Variants in TRPV2 observed in about 807,000 individuals in gnomAD.
The protein encoded by TRPV2 is transient receptor potential cation channel subfamily V member 2.
In TRPV2, 58 loss-of-function variants were observed where a neutral mutation model predicts 91.0. The ratio of observed to expected loss-of-function variants is 0.64; its 90% CI spans 0.52 to 0.79. The LOEUF (loss-of-function observed/expected upper bound fraction) is 0.79. TRPV2 is among the 30% of genes least tolerant of loss of function. The probability of loss-of-function intolerance (pLI) is 0.00; values close to 1 mark genes in which losing one functional copy is unlikely to be tolerated. For missense variants in TRPV2, 807 were observed against 969.6 expected, an observed-to-expected ratio of 0.83 and a Z score of 2.23; for synonymous variants, 417 against 414.8, an observed-to-expected ratio of 1.01 and a Z score of -0.06.
At chr17:16,431,624 C>T (rs2048957609) in intron 10 of TRPV2, among the ~76,000 whole-genome samples, 160 bp from the exon 11 acceptor site, 1 of 152,038 alleles carries the variant, frequency 6.6e-6, no homozygotes. Context: ...TTTTAAAAGA[C>T]TCCTCTGCTC....
chr17:16,422,611 G>T lies in TRPV2; in HGVS notation c.347G>T (p.Gly116Val). Reference protein sequence around the residue: ...TDSEYTEGSTGKTCLMKAVLN... With the variant: ...TDSEYTEGSTVKTCLMKAVLN... ...CTTCTTCCCACAGAGGGCTCCACAG[G>T]TAAGACGTGCCTGATGAAGGCTGTG... The change falls in exon 4 of 15, where the codon GGT becomes GTT. Residue 116 changes from glycine to valine, a missense_variant. By Grantham distance (109) the Gly-to-Val change is moderately radical. Coordinates refer to ENST00000338560, the MANE Select transcript of TRPV2 (RefSeq NM_016113.5). 1 of 1,613,828 alleles carries T rather than the reference G, an allele frequency of 6.2e-7. No homozygotes were observed. Among genetic ancestry groups the T allele is most frequent in the Non-Finnish European group, 8.5e-7 (1 of 1,179,878 alleles).
At chr17:16,436,712 T>G in intron 14 of TRPV2, 77 bp from the exon 15 acceptor site, 1 of 1,019,190 alleles carries the variant, frequency 9.8e-7, no homozygotes, top group Admixed American at 1.7e-5. Flanking sequence ...TTCATGACTG[T>G]GGCCCCGTTT....
intron 5 of TRPV2, among the ~76,000 whole-genome samples, chr17:16,425,321 G>A (rs1600972866): frequency 1.3e-5 from 2 of 152,102 alleles, no homozygotes; most frequent in African/African-American, 4.8e-5. Flanking sequence ...GAAACGCCCA[G>A]CCTGCAGCTG....
At chr17:16,429,169 C>T (rs966355707) in intron 10 of TRPV2, among the ~76,000 whole-genome samples, 187 bp downstream of exon 10, 5 of 152,224 alleles carry the variant, frequency 3.3e-5, no homozygotes, top group African/African-American at 4.8e-5. Context: ...TGCATGCACA[C>T]GCAAACAAAC....
intron 4 of TRPV2, 86 bp from the exon 5 acceptor site, chr17:16,423,383 G>A: frequency 6.9e-7 from 1 of 1,452,422 alleles, no homozygotes; most frequent in Admixed American, 2.2e-5. Context: ...GTTTCAAGGA[G>A]GGCTGGCCTT....
At chr17:16,430,543 T>C (rs1600984449) in intron 10 of TRPV2, among the ~76,000 whole-genome samples, 1 of 151,054 alleles carries the variant, frequency 6.6e-6, no homozygotes, top group African/African-American at 2.4e-5. Context: ...TGGAGTGCAG[T>C]GATGCAATCT....
rs369223814 is a variant in TRPV2, at chr17:16,423,509, G to A, written c.666G>A (p.Trp222Ter). Residue 222 changes from tryptophan to a stop codon, truncating the protein, a stop_gained, in exon 5 of 15, where the codon TGG (tryptophan) becomes TGA (stop). Transcript: ENST00000338560. LOFTEE classifies it high-confidence loss of function. ...CTTTGGCCGCTTGCACCAAGCAGTGGGATGTGGTAAGCTACCTCCTGGAGA... is the reference window on the plus strand; with the variant it reads ...CTTTGGCCGCTTGCACCAAGCAGTGAGATGTGGTAAGCTACCTCCTGGAGA... ...PLSLAACTKQ[W>*]DVVSYLLENP... 4 of 1,613,726 alleles carry A rather than the reference G, an allele frequency of 2.5e-6. No individual in the cohort carries two copies. Among genetic ancestry groups the A allele is most frequent in the Non-Finnish European group, 3.4e-6 (4 of 1,179,858 alleles).
chr17:16,430,091 C>A (rs530432577), intron 10 of TRPV2, among the ~76,000 whole-genome samples: 1 of 152,226 alleles, frequency 6.6e-6, no homozygotes, highest in East Asian at 1.9e-4. Flanking sequence ...TCTCAAACTC[C>A]TGACCTCAGG....
In TRPV2 at chr17:16,428,692, A is replaced by G. The variant is rs1392566573; in HGVS notation, c.1422-125A>G. The G allele has an allele frequency of 6.6e-6, 7 of 1,053,168 alleles. No homozygotes were observed. The African/African-American group carries it at 1.1e-4, about 17-fold the overall frequency. The allele number at this position is 1,053,168 out of a possible 1,614,324, so 65.2% of individuals were successfully genotyped here. On this transcript the variant is annotated intron_variant, in intron 9 of 14. Coordinates refer to ENST00000338560, the MANE Select transcript of TRPV2 (RefSeq NM_016113.5). Reference sequence around the variant, plus strand: ...TATGCCCATTTTACAGTGGGAGGGAACTGAGGCCCACAGAGGTTAAATGTC... The same window carrying G: ...TATGCCCATTTTACAGTGGGAGGGAGCTGAGGCCCACAGAGGTTAAATGTC...
Position 16,428,811 on chromosome 17 carries a change from A to G in TRPV2, c.1422-6A>G. 2 of 1,612,872 alleles carry G rather than the reference A, an allele frequency of 1.2e-6. No homozygotes were observed. Among genetic ancestry groups the G allele is most frequent in the East Asian group, 4.5e-5 (2 of 44,878 alleles). On this transcript the variant is annotated splice_polypyrimidine_tract_variant and splice_region_variant and intron_variant, in intron 9 of 14. Coordinates refer to ENST00000338560, the MANE Select transcript of TRPV2 (RefSeq NM_016113.5). ...GCAAGCCCACCTGGATTCTGCTCCCACACAGCCTGTTCCAGGCCCTGCTCA... is the reference window on the plus strand; with the variant it reads ...GCAAGCCCACCTGGATTCTGCTCCCGCACAGCCTGTTCCAGGCCCTGCTCA...
intron 1 of TRPV2, among the ~76,000 whole-genome samples, chr17:16,417,061 A>G (rs1277332911): frequency 2.6e-5 from 4 of 152,060 alleles, no homozygotes; most frequent in Non-Finnish European, 4.4e-5. Flanking sequence ...CCTGGGGGAC[A>G]ACATCAAAAG....
At chr17:16,419,636 T>TG (rs1337012115) in intron 2 of TRPV2, among the ~76,000 whole-genome samples, 2 of 152,114 alleles carry the variant, frequency 1.3e-5, no homozygotes, top group Admixed American at 6.5e-5. Context: ...AGTTAATAGA[T>TG]GGTTTCTAAG....
At chr17:16,429,130 C>A in intron 10 of TRPV2, 148 bp downstream of exon 10, 1 of 843,562 alleles carries the variant, frequency 1.2e-6, no homozygotes, top group Non-Finnish European at 1.8e-6. Flanking sequence ...AGCTTAAGTA[C>A]AGGCCTGCAC....
intron 12 of TRPV2, among the ~76,000 whole-genome samples, chr17:16,432,837 C>G: frequency 6.9e-6 from 1 of 144,790 alleles, no homozygotes; most frequent in East Asian, 2.0e-4. Context: ...AAGAGTTTTG[C>G]TCTTGTTGCC....
In TRPV2 at chr17:16,426,813, T is replaced by C; in HGVS notation, c.1187T>C (p.Leu396Pro). Residue 396 changes from leucine (L) to proline (P), a missense_variant, in exon 7 of 15, where the codon CTG becomes CCG. Coordinates refer to ENST00000338560, the MANE Select transcript of TRPV2 (RefSeq NM_016113.5). The surrounding 1 kb of genome is among the most constrained non-coding windows in gnomAD (Gnocchi z 6.0). ...ATCCCCAAGTTCTTCTTAAACTTCC[T>C]GTGTAATCTGATCTACATGTTCATC... The part of the protein sequence containing the change: ...LLIPKFFLNF[L>P]CNLIYMFIFT... 1 of 1,614,094 alleles carries C rather than the reference T, an allele frequency of 6.2e-7. No individual in the cohort carries two copies. The highest frequency in any genetic ancestry group is 1.1e-5 in the South Asian group (1 of 91,088).
chr17:16,428,785 C>T (rs765625575), intron 9 of TRPV2, 32 bp from the exon 10 acceptor site: 36 of 1,611,434 alleles, frequency 2.2e-5, no homozygotes, highest in South Asian at 5.5e-5. Flanking sequence ...CCAAGTGGCC[C>T]GCAAGCCCAC....
At position 16,425,959 on chromosome 17, in the gene TRPV2, G is replaced by C. The variant is rs1022794632; in HGVS notation, c.925-140G>C. The C allele has an allele frequency of 9.4e-6, 8 of 846,644 alleles. No homozygotes were observed. The African/African-American group carries it at 1.0e-4, about 11-fold the overall frequency. The allele number at this position is 846,644 out of a possible 1,614,324, so 52.4% of individuals were successfully genotyped here. On this transcript the variant is annotated intron_variant, in intron 5 of 14. Transcript: ENST00000338560. ...AGAGTTTAGACAAACAAGGACCTGC[G>C]TGTATGGGGGTACGTGCACGTGTCA...
At chr17:16,418,169 C>A (rs896705733) in intron 2 of TRPV2, among the ~76,000 whole-genome samples, 1 of 152,250 alleles carries the variant, frequency 6.6e-6, no homozygotes, top group East Asian at 1.9e-4. Context: ...TTCATGCCAA[C>A]TCCCACCCCT....
chr17:16,429,108 T>C (rs2093398406), intron 10 of TRPV2, 126 bp downstream of exon 10: 7 of 1,079,878 alleles, frequency 6.5e-6, no homozygotes, highest in Admixed American at 2.5e-5. Flanking sequence ...ACTCAGATGC[T>C]TGCTGGATGG....
Sources: gnomAD v4.1 joint callset for allele counts (sites outside exome capture counted in the v4.1 genomes callset) on GRCh38, gnomAD v4.1.1 for gene constraint, Gnocchi (gnomAD v3.1) non-coding constraint, MANE v1.5 for transcripts, NCBI Gene and HGNC (gene_info 2026-07-23, HGNC 2026-07-21) for gene names.